SAMTOR: variants seen among roughly 807,000 people sequenced by gnomAD.
The protein encoded by SAMTOR is UPF0532 protein C7orf60.
At chr7:112,922,474 C>T in the SAMTOR span, among the ~76,000 whole-genome samples, 1 of 150,394 alleles carries the variant, frequency 6.6e-6, no homozygotes, top group Non-Finnish European at 1.5e-5. Context: ...AAGTGAGGAG[C>T]GTCTCTGCCC....
chr7:112,908,060 G>A, the SAMTOR span, among the ~76,000 whole-genome samples: 283 of 152,214 alleles, frequency 1.9e-3, 2 homozygotes, highest in African/African-American at 6.4e-3. Flanking sequence ...ATTTGTAGTA[G>A]CAAAAGCTTG....
the SAMTOR span, among the ~76,000 whole-genome samples, chr7:112,933,880 G>A: frequency 6.6e-6 from 1 of 152,092 alleles, no homozygotes; most frequent in African/African-American, 2.4e-5. Context: ...GGCCTTAGAC[G>A]CTTTAAAGCT....
At chr7:112,892,553 G>A in the SAMTOR span, among the ~76,000 whole-genome samples, 1 of 152,106 alleles carries the variant, frequency 6.6e-6, no homozygotes, top group Non-Finnish European at 1.5e-5. Context: ...AGGATTGCTT[G>A]AGTCCAGAAA....
chr7:112,853,906 G>C, the SAMTOR span, among the ~76,000 whole-genome samples: 1 of 152,090 alleles, frequency 6.6e-6, no homozygotes, highest in Non-Finnish European at 1.5e-5. Flanking sequence ...GAGAAAAATA[G>C]GTTTCTATTT....
At chr7:112,871,847 G>A in the SAMTOR span, among the ~76,000 whole-genome samples, 1 of 152,082 alleles carries the variant, frequency 6.6e-6, no homozygotes, top group African/African-American at 2.4e-5. Context: ...AAATACAAGA[G>A]ATCCCTAGAG....
the SAMTOR span, among the ~76,000 whole-genome samples, chr7:112,903,210 G>A: frequency 6.6e-6 from 1 of 152,066 alleles, no homozygotes; most frequent in Non-Finnish European, 1.5e-5. Context: ...CTACTCGGGA[G>A]GCTGAGGCAG....
chr7:112,837,996 G>C, the SAMTOR span, among the ~76,000 whole-genome samples: 1 of 151,918 alleles, frequency 6.6e-6, no homozygotes, highest in African/African-American at 2.4e-5. Flanking sequence ...CTTGTGCTCA[G>C]GAACACTAGA....
At chr7:112,892,602 C>A in the SAMTOR span, among the ~76,000 whole-genome samples, 1 of 151,920 alleles carries the variant, frequency 6.6e-6, no homozygotes, top group African/African-American at 2.4e-5. Context: ...GATTCTCTCT[C>A]TATAAAAAAT....
chr7:112,939,759 C>T, the SAMTOR span: 9 of 1,513,044 alleles, frequency 5.9e-6, no homozygotes, highest in Non-Finnish European at 8.0e-6. Context: ...ATATCGCAGC[C>T]GCCGCCGCCG....
At chr7:112,832,523 T>C in the SAMTOR span, 2 of 1,108,466 alleles carry the variant, frequency 1.8e-6, no homozygotes, top group South Asian at 2.5e-5. Context: ...TAAATATACA[T>C]GTAAAATATT....
the SAMTOR span, among the ~76,000 whole-genome samples, chr7:112,888,053 C>T: frequency 5.9e-5 from 9 of 152,132 alleles, no homozygotes; most frequent in Admixed American, 1.3e-4. Context: ...TCTTTTCTAA[C>T]GTGCATTCAA....
At chr7:112,828,005 C>T in the SAMTOR span, among the ~76,000 whole-genome samples, 2 of 152,094 alleles carry the variant, frequency 1.3e-5, no homozygotes, top group African/African-American at 2.4e-5. Context: ...GTGTAAGCCA[C>T]CATGCCCTGC....
the SAMTOR span, among the ~76,000 whole-genome samples, chr7:112,846,957 T>C: frequency 6.6e-6 from 1 of 152,236 alleles, no homozygotes; most frequent in Non-Finnish European, 1.5e-5. Flanking sequence ...AGAATTCTTT[T>C]ACATTAATGC....
chr7:112,900,741 T>C, the SAMTOR span, among the ~76,000 whole-genome samples: 2 of 151,908 alleles, frequency 1.3e-5, no homozygotes, highest in Non-Finnish European at 2.9e-5. Context: ...TACAAAAATA[T>C]GGTCAACAGA....
the SAMTOR span, among the ~76,000 whole-genome samples, chr7:112,851,678 C>T: frequency 6.6e-6 from 1 of 152,152 alleles, no homozygotes; most frequent in African/African-American, 2.4e-5. Context: ...TTAAAAGCTT[C>T]TGCACAGCAA....
chr7:112,939,028 G>A, the SAMTOR span, among the ~76,000 whole-genome samples: 1 of 152,182 alleles, frequency 6.6e-6, no homozygotes, highest in East Asian at 1.9e-4. Context: ...TTTTAACAAT[G>A]TGAAGTCCAG....
chr7:112,844,505 T>A, the SAMTOR span, among the ~76,000 whole-genome samples: 1 of 151,862 alleles, frequency 6.6e-6, no homozygotes, highest in Non-Finnish European at 1.5e-5. Context: ...CATTCACAAT[T>A]GGCATAAAAA....
At chr7:112,843,668 A>T in the SAMTOR span, among the ~76,000 whole-genome samples, 75 of 152,080 alleles carry the variant, frequency 4.9e-4, no homozygotes, top group African/African-American at 1.7e-3. Context: ...CCAAACAAAA[A>T]ATGCCCAGGA....
chr7:112,910,809 A>G, the SAMTOR span, among the ~76,000 whole-genome samples: 1 of 152,214 alleles, frequency 6.6e-6, no homozygotes, highest in East Asian at 1.9e-4. Context: ...TACCATGAGA[A>G]AACAATCAGA....
Sources: gnomAD v4.1 joint callset for allele counts (sites outside exome capture counted in the v4.1 genomes callset) on GRCh38, gnomAD v4.1.1 for gene constraint, MANE v1.5 for transcripts, NCBI Gene and HGNC (gene_info 2026-07-23, HGNC 2026-07-21) for gene names.